MAP7D2: variants seen among roughly 807,000 people sequenced by gnomAD.
The protein encoded by MAP7D2 is MAP7 domain-containing protein 2.
A neutral mutation model predicts 63.5 loss-of-function variants in MAP7D2; 33 were observed. That is an observed-to-expected ratio of 0.52 (90% CI 0.39 to 0.70). The LOEUF (loss-of-function observed/expected upper bound fraction) is 0.70, where lower values mean the gene tolerates loss of function less well. MAP7D2 is among the 30% of genes least tolerant of loss of function. The pLI is 0.00. For missense variants in MAP7D2, 626 were observed against 604.0 expected, an observed-to-expected ratio of 1.04 and a Z score of -0.38; for synonymous variants, 224 against 223.7, an observed-to-expected ratio of 1.00 and a Z score of -0.01.
Position 20,010,881 on chromosome X carries a change from G to A in MAP7D2, c.2244C>T (p.Ser748=). ...TAAGGTTTTTGTTACAGTCGTCCAG[G>A]CTGAGATTTTCACTGGATCTCTTGG... The part of the protein sequence containing the change: ...TFPKRSSENL[S]LDDCNKNLIE... The change falls in exon 16 of 17, where the codon AGC becomes AGT. Residue 748 remains serine (S), a synonymous_variant. Coordinates refer to ENST00000379643, the MANE Select transcript of MAP7D2 (RefSeq NM_001168465.2). 2 of 1,211,045 alleles carry A rather than the reference G, an allele frequency of 1.7e-6. No homozygotes were observed.
intron 10 of MAP7D2, among the ~76,000 whole-genome samples, chrX:20,018,171 G>A (rs112462250): frequency 0.026 from 2,889 of 109,502 alleles, 100 homozygotes; most frequent in African/African-American, 0.091. Flanking sequence ...TCACCATGTT[G>A]GTCAGGCTGG....
At chrX:20,083,340 A>C (rs1010563788) in intron 1 of MAP7D2, among the ~76,000 whole-genome samples, 8 of 112,250 alleles carry the variant, frequency 7.1e-5, no homozygotes, top group African/African-American at 2.6e-4. Context: ...ATTCCACAGA[A>C]AAGGCCACTG....
At chrX:20,024,448 C>T (rs143409394) in intron 10 of MAP7D2, among the ~76,000 whole-genome samples, 2,467 of 112,015 alleles carry the variant, frequency 0.022, 27 homozygotes, top group Non-Finnish European at 0.034. Context: ...TTAGACTATG[C>T]GGTTGCCCCT....
chrX:20,099,535 A>G (rs906345153), intron 1 of MAP7D2, among the ~76,000 whole-genome samples: 3 of 111,894 alleles, frequency 2.7e-5, no homozygotes, highest in African/African-American at 9.8e-5. Context: ...TGTGCCCACC[A>G]TCCTGTGTCC....
chrX:20,115,239 T>TAA (rs748101570), intron 1 of MAP7D2, among the ~76,000 whole-genome samples: 16 of 70,066 alleles, frequency 2.3e-4, no homozygotes, highest in East Asian at 2.2e-3. Flanking sequence ...TTGTTTCCAT[T>TAA]AAAAAAAAAA....
intron 16 of MAP7D2, among the ~76,000 whole-genome samples, chrX:20,008,802 C>A (rs2148109412): frequency 9.0e-6 from 1 of 111,470 alleles, no homozygotes; most frequent in Non-Finnish European, 1.9e-5. Context: ...AATATACAAG[C>A]AGTGTGAATA....
At chrX:20,116,463 C>A in intron 1 of MAP7D2, 1 of 616,332 alleles carries the variant, frequency 1.6e-6, no homozygotes, top group Non-Finnish European at 2.0e-6. Flanking sequence ...GCAGCACCCC[C>A]TCAGGCACCT....
chrX:20,083,414 T>C (rs961850797), intron 1 of MAP7D2, among the ~76,000 whole-genome samples: 2 of 111,978 alleles, frequency 1.8e-5, no homozygotes, highest in Non-Finnish European at 1.9e-5. Context: ...TGCCTGAGTA[T>C]GGATGGTACC....
At chrX:20,011,146 T>C in intron 15 of MAP7D2, 94 bp from the exon 16 acceptor site, 1 of 912,899 alleles carries the variant, frequency 1.1e-6, no homozygotes, top group Non-Finnish European at 1.5e-6. Context: ...TTTGTTTTAC[T>C]ACTCTTCTAA....
At chrX:20,014,118 A>G (rs2073298858) in intron 12 of MAP7D2, among the ~76,000 whole-genome samples, 1 of 112,731 alleles carries the variant, frequency 8.9e-6, no homozygotes, top group Admixed American at 9.4e-5. Flanking sequence ...AAGTATAGTT[A>G]GTGTAAATGG....
intron 8 of MAP7D2, among the ~76,000 whole-genome samples, chrX:20,038,879 C>G (rs183519277): frequency 8.9e-6 from 1 of 111,993 alleles, no homozygotes; most frequent in East Asian, 2.8e-4. Flanking sequence ...AAAGAGTATG[C>G]GTGGAATACA....
rs886632574 is a variant in MAP7D2 at position 20,008,059 on chromosome X, G to A, written c.*366C>T. The A allele has an allele frequency of 6.2e-5, 7 of 112,151 alleles. No homozygotes were observed. The highest frequency in any genetic ancestry group is 4.6e-3 in the Middle Eastern group (1 of 217). The allele number at this position is 112,151 out of a possible 1,213,427, so 9.2% of individuals were successfully genotyped here. ...CAGGAAAAGACATCTAAATGTTTATGTGCTCCAACTTTGGGAATAAGAATG... is the reference window on the plus strand; with the variant it reads ...CAGGAAAAGACATCTAAATGTTTATATGCTCCAACTTTGGGAATAAGAATG... On this transcript the variant is annotated 3_prime_UTR_variant, in exon 17 of 17. Coordinates refer to ENST00000379643, the MANE Select transcript of MAP7D2 (RefSeq NM_001168465.2).
At chrX:20,054,580 C>T (rs1359238488) in intron 4 of MAP7D2, among the ~76,000 whole-genome samples, 1 of 110,634 alleles carries the variant, frequency 9.0e-6, no homozygotes, top group African/African-American at 3.3e-5. Context: ...CACCTCTCTG[C>T]ACCTTTCTTT....
At chrX:20,084,780 G>A (rs1274426876) in intron 1 of MAP7D2, among the ~76,000 whole-genome samples, 1 of 110,524 alleles carries the variant, frequency 9.0e-6, no homozygotes, top group Non-Finnish European at 1.9e-5. Context: ...TGTTGGCCAG[G>A]CTGGTCTCGA....
intron 1 of MAP7D2, among the ~76,000 whole-genome samples, chrX:20,074,003 C>T (rs2065579194): frequency 1.9e-5 from 2 of 108,026 alleles, no homozygotes; most frequent in South Asian, 8.1e-4. Context: ...GGCATGGTGG[C>T]ACATGCCTGT....
chrX:20,098,976 C>T (rs2066351052), intron 1 of MAP7D2, among the ~76,000 whole-genome samples: 1 of 112,776 alleles, frequency 8.9e-6, no homozygotes, highest in South Asian at 3.6e-4. Context: ...CCAGGTGTGA[C>T]CCACTCTGGC....
At position 20,039,810 on chromosome X, in the gene MAP7D2, C is replaced by T. The variant is rs766465374; in HGVS notation, c.1007+2692G>A. ...GGTCAGGAGATGGAGACCATCCTGG[C>T]CAATGTGGTGAAACCCCGTCTCTAC... is the stretch of plus-strand genomic sequence containing the variant. On this transcript the variant is annotated intron_variant, in intron 8 of 16. Transcript: ENST00000379643. 2.7e-5 allele frequency among the ~76,000 whole-genome samples: 3 copies of T among 109,965 alleles called. No individual in the cohort carries two copies. The South Asian group carries it at 1.2e-3, about 43-fold the overall frequency.
chrX:20,054,911 G>A (rs1479169361), intron 4 of MAP7D2, among the ~76,000 whole-genome samples: 1 of 112,261 alleles, frequency 8.9e-6, no homozygotes, highest in Non-Finnish European at 1.9e-5. Context: ...GGGAAAGCCA[G>A]TGCCCACACT....
intron 1 of MAP7D2, among the ~76,000 whole-genome samples, chrX:20,087,561 AT>A (rs2065940765): frequency 8.9e-6 from 1 of 111,942 alleles, no homozygotes; most frequent in African/African-American, 3.3e-5. Context: ...CTCGGGCATT[AT>A]TTTATAGCAA....
Sources: allele counts gnomAD v4.1 joint callset (sites outside exome capture counted in the v4.1 genomes callset), GRCh38; gene constraint gnomAD v4.1.1; transcripts MANE v1.5; gene names NCBI Gene and HGNC (gene_info 2026-07-23, HGNC 2026-07-21).